LOXHD1: variants seen among roughly 807,000 people sequenced by gnomAD.
LOXHD1 encodes the protein lipoxygenase homology PLAT domains 1.
LOXHD1 carries 205 observed loss-of-function variants against 248.2 expected under a neutral mutation model. The observed-to-expected ratio is 0.83, with a 90% confidence interval of 0.74 to 0.93. The LOEUF is 0.93. Among genes scored for constraint, LOXHD1 ranks in the 40% least tolerant of loss-of-function variants. The pLI is 0.00. For synonymous variants in LOXHD1, 1,113 were observed against 1,162.8 expected (o/e 0.96, Z 0.87); for missense variants, 2,930 against 2,971.6 (o/e 0.99, Z 0.33).
intron 26 of LOXHD1, 61 bp downstream of exon 26, chr18:46,538,095 G>T: frequency 1.4e-6 from 2 of 1,430,852 alleles, no homozygotes; most frequent in Admixed American, 2.0e-5. Context: ...TGAAGGTAGG[G>T]CTTCTCCTCT....
chr18:46,507,444 A>G (rs1016505198), intron 36 of LOXHD1, 94 bp downstream of exon 36: 68 of 1,431,056 alleles, frequency 4.8e-5, no homozygotes, highest in Non-Finnish European at 6.1e-5. Context: ...AGGCCTTATG[A>G]AGAAAAATGC....
intron 4 of LOXHD1, among the ~76,000 whole-genome samples, chr18:46,628,761 A>C (rs1024574621): frequency 8.5e-5 from 13 of 152,252 alleles, no homozygotes; most frequent in African/African-American, 3.1e-4. Context: ...TGTGTCATTT[A>C]CTGAGCATTG....
At chr18:46,508,730 C>T (rs2034750006) in intron 35 of LOXHD1, among the ~76,000 whole-genome samples, 1 of 152,218 alleles carries the variant, frequency 6.6e-6, no homozygotes, top group Non-Finnish European at 1.5e-5. Context: ...TCATCTTTGT[C>T]GGCATAGTCA....
Position 46,588,488 on chromosome 18 carries a change from A to T in LOXHD1, c.1654+3445T>A, listed in dbSNP as rs147385262. ...CACTGTTAAAAATGTGTACGAGCAC[A>T]TTTTATACATGTAACCTGTAGAGAT... On this transcript the variant is annotated intron_variant, in intron 12 of 40. Transcript: ENST00000642948. Among the ~76,000 whole-genome samples, 15 of 152,304 alleles carry T rather than the reference A, an allele frequency of 9.8e-5. 1 individual carries two copies. The East Asian group carries it at 2.9e-3, about 29-fold the overall frequency.
intron 4 of LOXHD1, among the ~76,000 whole-genome samples, chr18:46,622,127 A>T (rs561282683): frequency 1.4e-4 from 21 of 152,288 alleles, no homozygotes; most frequent in Non-Finnish European, 2.5e-4. Flanking sequence ...TTCCCAGGAT[A>T]CCCCAGGCCT....
At chr18:46,654,234 T>C (rs114382941) in intron 1 of LOXHD1, among the ~76,000 whole-genome samples, 1,981 of 152,346 alleles carry the variant, frequency 0.013, 46 homozygotes, top group African/African-American at 0.045. Flanking sequence ...AAATATGTTC[T>C]TTATAAATCA....
intron 28 of LOXHD1, 51 bp downstream of exon 28, chr18:46,533,111 C>T: frequency 6.5e-7 from 1 of 1,543,992 alleles, no homozygotes; most frequent in African/African-American, 1.4e-5. Context: ...TCAGGAGGAC[C>T]AGGGTCCTGG....
At chr18:46,505,750 A>T in intron 37 of LOXHD1, 88 bp downstream of exon 37, 1 of 1,383,932 alleles carries the variant, frequency 7.2e-7, no homozygotes, top group East Asian at 2.5e-5. Flanking sequence ...GGGTAATCAG[A>T]GTCAATGTGC....
intron 37 of LOXHD1, among the ~76,000 whole-genome samples, chr18:46,505,123 A>G (rs1359088630): frequency 6.6e-6 from 1 of 152,142 alleles, no homozygotes; most frequent in African/African-American, 2.4e-5. Flanking sequence ...TTCATAGTTT[A>G]TATTTATAAG....
intron 25 of LOXHD1, 88 bp from the exon 26 acceptor site, chr18:46,538,425 C>G: frequency 7.7e-7 from 1 of 1,304,170 alleles, no homozygotes; most frequent in Non-Finnish European, 1.1e-6. Flanking sequence ...CCAGCACAAC[C>G]AGCCCAGACC....
chr18:46,541,525 A>G (rs1480387796), intron 25 of LOXHD1, among the ~76,000 whole-genome samples: 1 of 152,188 alleles, frequency 6.6e-6, no homozygotes, highest in Non-Finnish European at 1.5e-5. Context: ...TCGAGAGGTT[A>G]GGTTCTCTAC....
At chr18:46,560,831 C>T (rs1035973402) in intron 18 of LOXHD1, among the ~76,000 whole-genome samples, 4 of 148,378 alleles carry the variant, frequency 2.7e-5, no homozygotes, top group African/African-American at 1.0e-4. Flanking sequence ...CATATGCCTG[C>T]ACGTATACAC....
chr18:46,650,765 G>A (rs11082547), intron 1 of LOXHD1, among the ~76,000 whole-genome samples: 10,865 of 152,246 alleles, frequency 0.071, 521 homozygotes, highest in African/African-American at 0.12. Context: ...CACCTTGGCA[G>A]GTACTTTACA....
At chr18:46,589,093 G>GTA (rs1480470096) in intron 12 of LOXHD1, among the ~76,000 whole-genome samples, 1 of 152,152 alleles carries the variant, frequency 6.6e-6, no homozygotes, top group Non-Finnish European at 1.5e-5. Context: ...GATCAACTCA[G>GTA]TATACCACTG....
chr18:46,509,461 G>A, intron 35 of LOXHD1: 2 of 553,878 alleles, frequency 3.6e-6, no homozygotes, highest in South Asian at 3.9e-5. Flanking sequence ...ACGTAACGTT[G>A]ACAGCTCTTG....
At chr18:46,521,382 G>A (rs1291576248) in intron 32 of LOXHD1, 100 bp from the exon 33 acceptor site, 15 of 1,351,344 alleles carry the variant, frequency 1.1e-5, no homozygotes, top group East Asian at 1.0e-4. Context: ...CCAGTATGCT[G>A]TGCACTTGCT....
chr18:46,635,443 A>G (rs1241012151), intron 4 of LOXHD1, among the ~76,000 whole-genome samples: 1 of 152,162 alleles, frequency 6.6e-6, no homozygotes, highest in Non-Finnish European at 1.5e-5. Context: ...AACTGAGAAT[A>G]AGGAGACCCA....
At chr18:46,512,877 TCA>T (rs1408879926) in intron 34 of LOXHD1, among the ~76,000 whole-genome samples, 1 of 152,156 alleles carries the variant, frequency 6.6e-6, no homozygotes, top group African/African-American at 2.4e-5. Flanking sequence ...CAAATCACAA[TCA>T]CACTCAACAG....
chr18:46,486,510 AG>A (rs1048687306), intron 38 of LOXHD1, among the ~76,000 whole-genome samples: 1 of 152,208 alleles, frequency 6.6e-6, no homozygotes, highest in East Asian at 1.9e-4. Context: ...CTTCTGCAGT[AG>A]GGAGGGGTTC....
Sources: allele counts gnomAD v4.1 joint callset (sites outside exome capture counted in the v4.1 genomes callset), GRCh38; gene constraint gnomAD v4.1.1; transcripts MANE v1.5; gene names NCBI Gene and HGNC (gene_info 2026-07-23, HGNC 2026-07-21).